Variants in PEX14 observed in about 807,000 individuals in gnomAD.
The protein encoded by PEX14 is peroxisomal biogenesis factor 14.
PEX14 carries 15 observed loss-of-function variants against 49.5 expected under a neutral mutation model. That is an observed-to-expected ratio of 0.30 (90% CI 0.20 to 0.47). PEX14 has a LOEUF of 0.47. Ranked by LOEUF, PEX14 falls within the 20% of genes least tolerant of loss-of-function variation. PEX14 has a pLI of 1.00. For synonymous variants in PEX14, 210 were observed against 212.7 expected (o/e 0.99, Z 0.11); for missense variants, 398 against 494.8 (o/e 0.80, Z 1.86).
At chr1:10,558,008 C>T (rs1639544334) in intron 3 of PEX14, among the ~76,000 whole-genome samples, 1 of 152,138 alleles carries the variant, frequency 6.6e-6, no homozygotes, top group African/African-American at 2.4e-5. Context: ...TCTTTTTCAT[C>T]TGCTAAATTC....
At chr1:10,525,450 C>T (rs531352494) in intron 2 of PEX14, among the ~76,000 whole-genome samples, 87 of 152,188 alleles carry the variant, frequency 5.7e-4, no homozygotes, top group Non-Finnish European at 1.1e-3. Flanking sequence ...TATTAGATAC[C>T]GCTTTTTTAG....
chr1:10,495,172 A>G lies in PEX14; in HGVS notation c.37-102A>G. The G allele has an allele frequency of 6.4e-7, 1 of 1,574,132 alleles. No individual in the cohort carries two copies. The highest frequency in any genetic ancestry group is 8.7e-7 in the Non-Finnish European group (1 of 1,150,476). ...GAAAAACCAGTGAGAGATGTGAGAA[A>G]GAGGTGCCAGCGTGCATCGTTTGAG... is the stretch of plus-strand genomic sequence containing the variant. On this transcript the variant is annotated intron_variant, in intron 1 of 8. Coordinates refer to ENST00000356607, the MANE Select transcript of PEX14 (RefSeq NM_004565.3). The surrounding 1 kb of genome is among the most constrained non-coding windows in gnomAD (Gnocchi z 4.2).
At chr1:10,500,860 C>T (rs1455108827) in intron 2 of PEX14, among the ~76,000 whole-genome samples, 4 of 152,192 alleles carry the variant, frequency 2.6e-5, no homozygotes, top group Admixed American at 6.5e-5. Context: ...CAGGCATGAG[C>T]CACCACGTCC....
Position 10,495,198 on chromosome 1 carries a change from A to G in PEX14, c.37-76A>G. 6.3e-7 allele frequency: 1 copy of G among 1,582,368 alleles called. No homozygotes were observed. Among genetic ancestry groups the G allele is most frequent in the Admixed American group, 1.7e-5 (1 of 59,840 alleles). On this transcript the variant is annotated intron_variant, in intron 1 of 8. Coordinates refer to ENST00000356607, the MANE Select transcript of PEX14 (RefSeq NM_004565.3). This position sits in a 1 kb window ranked among gnomAD's most constrained non-coding sequence, Gnocchi z 4.2. The stretch of plus-strand genomic sequence containing the variant: ...GAGGTGCCAGCGTGCATCGTTTGAG[A>G]ACGGAACATCTTTGGTTTTTTGATG...
rs59926174 is a variant in PEX14 at position 10,620,291 on chromosome 1, CAATAAAATAAAATAAAATAAAATAA to C, written c.384+1891_384+1915del. 8.5e-3 allele frequency among the ~76,000 whole-genome samples: 1,212 copies of C among 142,378 alleles called. 22 individuals carry two copies. The highest frequency in any genetic ancestry group is 0.03 in the African/African-American group (1,145 of 37,724). 93.4% of individuals were successfully genotyped at this position (142,378 alleles called of 152,430 possible). On this transcript the variant is annotated intron_variant, in intron 5 of 8. Coordinates refer to ENST00000356607, the MANE Select transcript of PEX14 (RefSeq NM_004565.3). Reference sequence around the variant, plus strand: ...ATGGTGAAACTGTGTCTCTACCAAACAATAAAATAAAATAAAATAAAATAAAATAAAATAAAATAAATAAGCTAGG... The same window carrying C: ...ATGGTGAAACTGTGTCTCTACCAAACAATAAAATAAAATAAATAAGCTAGG...
chr1:10,581,607 C>T (rs1200908741), intron 3 of PEX14, among the ~76,000 whole-genome samples: 1 of 151,634 alleles, frequency 6.6e-6, no homozygotes, highest in Admixed American at 6.6e-5. Context: ...CCTGGCTAAT[C>T]CTTGTTATTC....
At chr1:10,552,914 C>G (rs1377674987) in intron 3 of PEX14, among the ~76,000 whole-genome samples, 2 of 152,010 alleles carry the variant, frequency 1.3e-5, no homozygotes, top group East Asian at 3.9e-4. Context: ...TGACTTTTGT[C>G]CATGCAGAGG....
chr1:10,597,547 C>T lies in PEX14; in HGVS notation c.170-1691C>T, dbSNP rs72857078. On this transcript the variant is annotated intron_variant, in intron 3 of 8. Coordinates refer to ENST00000356607, the MANE Select transcript of PEX14 (RefSeq NM_004565.3). This position sits in a 1 kb window ranked among gnomAD's most constrained non-coding sequence, Gnocchi z 5.7. ...GCAGTCCCTTTGCAGCAAGCACCCC[C>T]TCTCTAGCTCCACTCTACTGACCTT... Among the ~76,000 whole-genome samples the T allele has an allele frequency of 0.033, 5,043 of 152,286 alleles. 278 individuals carry two copies. The highest frequency in any genetic ancestry group is 0.11 in the African/African-American group (4,715 of 41,532).
At chr1:10,520,154 T>TTTTTTTTTTTTTTG in intron 2 of PEX14, among the ~76,000 whole-genome samples, 1 of 64,532 alleles carries the variant, frequency 1.5e-5, no homozygotes, top group African/African-American at 4.0e-5. Context: ...TCTTCTTTTT[T>TTTTTTTTTTTTTTG]TTTTTTTTGT....
intron 3 of PEX14, among the ~76,000 whole-genome samples, chr1:10,545,513 G>A (rs946943918): frequency 2.0e-5 from 3 of 152,206 alleles, no homozygotes; most frequent in Admixed American, 1.3e-4. Context: ...AAATTTTCTA[G>A]TAATGAAGCC....
intron 4 of PEX14, among the ~76,000 whole-genome samples, chr1:10,617,547 G>A (rs1641461216): frequency 6.6e-6 from 1 of 151,946 alleles, no homozygotes; most frequent in African/African-American, 2.4e-5. Context: ...CCCTGCTCTT[G>A]GGGTCCTCTG....
chr1:10,501,312 A>G (rs1395513958), intron 2 of PEX14, among the ~76,000 whole-genome samples: 1 of 151,902 alleles, frequency 6.6e-6, no homozygotes, highest in South Asian at 2.1e-4. Context: ...TTTTATTTTT[A>G]TTTTGAGATG....
rs373917522 is a variant in PEX14, at chr1:10,557,459, G to A, written c.169+21162G>A. On this transcript the variant is annotated intron_variant, in intron 3 of 8. Transcript: ENST00000356607. ...AAAATAGCCAGCTGTGGTGGCGGGC[G>A]CCTGTAATCCCAGCTGCTCGGGAGG... Among the ~76,000 whole-genome samples, 11 of 152,248 alleles carry A rather than the reference G, an allele frequency of 7.2e-5. No homozygotes were observed. The East Asian group carries it at 7.7e-4, about 11-fold the overall frequency.
At chr1:10,507,712 C>T (rs1570172443) in intron 2 of PEX14, among the ~76,000 whole-genome samples, 2 of 152,144 alleles carry the variant, frequency 1.3e-5, no homozygotes, top group East Asian at 3.8e-4. Context: ...TAAAGTGGTG[C>T]CTGCAGGTCT....
chr1:10,535,896 C>T (rs917141120), intron 2 of PEX14: 9 of 383,262 alleles, frequency 2.3e-5, no homozygotes, highest in Admixed American at 7.3e-5. Context: ...GACATGGGTG[C>T]GCATGGCCAC....
Position 10,514,902 on chromosome 1 carries a change from C to T in PEX14, c.84+19581C>T, listed in dbSNP as rs1273364151. 6.6e-6 allele frequency among the ~76,000 whole-genome samples: 1 copy of T among 152,120 alleles called. No homozygotes were observed. The highest frequency in any genetic ancestry group is 1.5e-5 in the Non-Finnish European group (1 of 68,034). On this transcript the variant is annotated intron_variant, in intron 2 of 8. Transcript: ENST00000356607. The surrounding 1 kb of genome is among the most constrained non-coding windows in gnomAD (Gnocchi z 4.4). ...TGCAGAAAACTGTCCCCCTTAAAAG[C>T]CTGGGTAACAAGGAGAGCTGATTTG...
chr1:10,603,704 G>A (rs902096237), intron 4 of PEX14, among the ~76,000 whole-genome samples: 2 of 152,198 alleles, frequency 1.3e-5, no homozygotes, highest in African/African-American at 4.8e-5. Context: ...ATTGATTCAC[G>A]CCAAGCTGAT....
At chr1:10,506,427 C>T (rs1333437895) in intron 2 of PEX14, among the ~76,000 whole-genome samples, 1 of 152,130 alleles carries the variant, frequency 6.6e-6, no homozygotes, top group Non-Finnish European at 1.5e-5. Flanking sequence ...TACAGGCATG[C>T]GCCGCCATGC....
rs1300924752 is a variant in PEX14, at chr1:10,629,381, G to A, written c.678-150G>A. Reference sequence around the variant, plus strand: ...TAGGATCTTTGCTCCTGAAAGGAGGGGTGGAAGGGCTCCATCCTGTCCCTT... The same window carrying A: ...TAGGATCTTTGCTCCTGAAAGGAGGAGTGGAAGGGCTCCATCCTGTCCCTT... On this transcript the variant is annotated intron_variant, in intron 8 of 8. Transcript: ENST00000356607. This position sits in a 1 kb window ranked among gnomAD's most constrained non-coding sequence, Gnocchi z 8.5. 1.5e-6 allele frequency: 1 copy of A among 677,462 alleles called. No homozygotes were observed. The highest frequency in any genetic ancestry group is 2.6e-6 in the Non-Finnish European group (1 of 377,448). The allele number at this position is 677,462 out of a possible 1,614,324, so 42.0% of individuals were successfully genotyped here. A position where few individuals can be genotyped will look rare whatever the true frequency, so the allele number is the denominator to read the frequency against.
Sources: gnomAD v4.1 joint callset for allele counts (sites outside exome capture counted in the v4.1 genomes callset) on GRCh38, gnomAD v4.1.1 for gene constraint, Gnocchi (gnomAD v3.1) non-coding constraint, MANE v1.5 for transcripts, NCBI Gene and HGNC (gene_info 2026-07-23, HGNC 2026-07-21) for gene names.